The following PDLIM1 variants were observed in gnomAD, a reference collection of about 807,000 sequenced individuals.
PDLIM1 encodes PDZ and LIM domain protein 1.
Under a neutral mutation model 35.2 loss-of-function variants are expected in PDLIM1, and 25 were observed. That is an observed-to-expected ratio of 0.71 (90% CI 0.52 to 0.99). PDLIM1 has a LOEUF of 0.99. PDLIM1 is among the 50% of genes least tolerant of loss of function. The probability of loss-of-function intolerance (pLI) is 0.00; values close to 1 mark genes in which losing one functional copy is unlikely to be tolerated. For synonymous variants in PDLIM1, 152 were observed against 154.0 expected, an observed-to-expected ratio of 0.99 and a Z score of 0.10; for missense variants, 363 against 415.3, an observed-to-expected ratio of 0.87 and a Z score of 1.09.
chr10:95,243,171 T>G (rs1430332639), intron 5 of PDLIM1, among the ~76,000 whole-genome samples: 3 of 152,184 alleles, frequency 2.0e-5, no homozygotes, highest in African/African-American at 7.2e-5. Context: ...GAAGGCTGCC[T>G]GCCCAACAGA....
At chr10:95,248,861 G>A (rs1243985469) in intron 4 of PDLIM1, among the ~76,000 whole-genome samples, 1 of 152,152 alleles carries the variant, frequency 6.6e-6, no homozygotes, top group Non-Finnish European at 1.5e-5. Flanking sequence ...CCCTTCCCAG[G>A]TGTTGTCATG....
chr10:95,280,809 T>C (rs761785379), intron 1 of PDLIM1, among the ~76,000 whole-genome samples: 1 of 152,168 alleles, frequency 6.6e-6, no homozygotes, highest in Non-Finnish European at 1.5e-5. Context: ...CCCCTTGGAG[T>C]TGGCTCTAAA....
rs2035646528 is a variant in PDLIM1 at position 95,290,761 on chromosome 10, G to A, written c.96+59C>T. On this transcript the variant is annotated intron_variant, in intron 1 of 6. Coordinates refer to ENST00000329399, the MANE Select transcript of PDLIM1 (RefSeq NM_020992.4). This position sits in a 1 kb window ranked among gnomAD's most constrained non-coding sequence, Gnocchi z 4.7. The stretch of plus-strand genomic sequence containing the variant: ...CCCCGACCGCGCCCGCGGGGCCCCA[G>A]TCTCCGCATATCACCTCCCATAGCG... The A allele has an allele frequency of 1.6e-6, 2 of 1,257,484 alleles. No homozygotes were observed. Among genetic ancestry groups the A allele is most frequent in the Admixed American group, 4.8e-5 (2 of 41,246 alleles). 77.9% of individuals were successfully genotyped at this position (1,257,484 alleles called of 1,614,324 possible). A position where few individuals can be genotyped will look rare whatever the true frequency, so the allele number is the denominator to read the frequency against.
intron 1 of PDLIM1, among the ~76,000 whole-genome samples, chr10:95,287,249 CT>C (rs2133444749): frequency 6.6e-6 from 1 of 152,298 alleles, no homozygotes; most frequent in East Asian, 1.9e-4. Context: ...CATAATGACC[CT>C]TTTTGGACAT....
chr10:95,276,987 T>G (rs993222922), intron 1 of PDLIM1, among the ~76,000 whole-genome samples: 2 of 147,032 alleles, frequency 1.4e-5, no homozygotes, highest in Non-Finnish European at 3.0e-5. Flanking sequence ...CCAAGGTAAG[T>G]GGCTCGCCTT....
intron 4 of PDLIM1, among the ~76,000 whole-genome samples, chr10:95,261,131 C>T (rs1055770272): frequency 1.3e-5 from 2 of 152,168 alleles, no homozygotes; most frequent in African/African-American, 4.8e-5. Flanking sequence ...AGAGGAAAGG[C>T]TTAAACAGCC....
At chr10:95,244,124 C>T (rs2035199912) in intron 5 of PDLIM1, among the ~76,000 whole-genome samples, 1 of 152,050 alleles carries the variant, frequency 6.6e-6, no homozygotes, top group Non-Finnish European at 1.5e-5. Context: ...TATATTTCAC[C>T]ATTTTTCTTA....
At chr10:95,269,696 T>C (rs1437436957) in intron 2 of PDLIM1, among the ~76,000 whole-genome samples, 1 of 152,142 alleles carries the variant, frequency 6.6e-6, no homozygotes, top group East Asian at 1.9e-4. Context: ...TTTCCTCTCT[T>C]GCAGGTAGAA....
At chr10:95,238,374 A>T (rs1043905203) in intron 6 of PDLIM1, among the ~76,000 whole-genome samples, 194 bp downstream of exon 6, 22 of 152,182 alleles carry the variant, frequency 1.4e-4, no homozygotes, top group Admixed American at 1.3e-3. Flanking sequence ...TTCATAACCT[A>T]AGGGCTCCGC....
At chr10:95,273,550 A>C (rs1003867918) in intron 1 of PDLIM1, 3 of 152,186 alleles carry the variant, frequency 2.0e-5, no homozygotes, top group Non-Finnish European at 4.4e-5. Context: ...TTTATCAGGC[A>C]AAACTCTCCT....
rs189084310 is a variant in PDLIM1 at position 95,284,402 on chromosome 10, G to A, written c.96+6418C>T. On this transcript the variant is annotated intron_variant, in intron 1 of 6. Coordinates refer to ENST00000329399, the MANE Select transcript of PDLIM1 (RefSeq NM_020992.4). ...GAGTTTCGCTCTTGTTGCCCAGGCT[G>A]GAGTGCAGTGGCGTGATTTCAACTC... Among the ~76,000 whole-genome samples, 1,285 of 152,072 alleles carry A rather than the reference G, an allele frequency of 8.4e-3. 7 individuals carry two copies. Among genetic ancestry groups the A allele is most frequent in the Middle Eastern group, 0.017 (5 of 292 alleles).
intron 1 of PDLIM1, among the ~76,000 whole-genome samples, chr10:95,285,259 GGT>G (rs1294689315): frequency 6.6e-6 from 1 of 152,106 alleles, no homozygotes; most frequent in African/African-American, 2.4e-5. Flanking sequence ...TGCTTTCTGA[GGT>G]GCTCTGAGCT....
chr10:95,253,486 C>G (rs2035285010), intron 4 of PDLIM1, among the ~76,000 whole-genome samples: 1 of 152,098 alleles, frequency 6.6e-6, no homozygotes, highest in African/African-American at 2.4e-5. Context: ...AAAAACCTGT[C>G]TCTACTAAAA....
intron 3 of PDLIM1, among the ~76,000 whole-genome samples, chr10:95,266,056 G>T (rs1276471717): frequency 6.6e-6 from 1 of 151,954 alleles, no homozygotes; most frequent in African/African-American, 2.4e-5. Context: ...AAATTAGCTA[G>T]GCGTGGTGGC....
At chr10:95,285,998 TCA>T (rs2035598878) in intron 1 of PDLIM1, among the ~76,000 whole-genome samples, 2 of 152,330 alleles carry the variant, frequency 1.3e-5, no homozygotes, top group South Asian at 4.1e-4. Flanking sequence ...ATTCCTGAAA[TCA>T]CAGTGTTTTC....
chr10:95,247,356 C>T lies in PDLIM1; in HGVS notation c.544G>A (p.Ala182Thr). Reference protein sequence around the residue: ...VEANSRPLDHAQPPSSLVIDK... With the variant: ...VEANSRPLDHTQPPSSLVIDK... ...ATGACAAGGCTGCTTGGAGGCTGAG[C>T]ATGGTCTAAGCTGTAAAGAATGTTT... The change falls in exon 5 of 7, where the codon GCT becomes ACT. Residue 182 changes from alanine to threonine, a missense_variant. Ala to Thr is a moderately conservative substitution (Grantham distance 58). Coordinates refer to ENST00000329399, the MANE Select transcript of PDLIM1 (RefSeq NM_020992.4). 2 of 1,613,760 alleles carry T rather than the reference C, an allele frequency of 1.2e-6. No individual in the cohort carries two copies. Among genetic ancestry groups the T allele is most frequent in the Non-Finnish European group, 1.7e-6 (2 of 1,179,798 alleles).
chr10:95,249,254 C>T (rs889248765), intron 4 of PDLIM1, among the ~76,000 whole-genome samples: 2 of 152,230 alleles, frequency 1.3e-5, no homozygotes, highest in Non-Finnish European at 2.9e-5. Context: ...GGCAGCCAGC[C>T]TCTGAGGGTT....
Position 95,257,163 on chromosome 10 carries a change from G to A in PDLIM1, c.533+6701C>T, listed in dbSNP as rs537921272. ...AATCTCAGCACTTTGGGAGGCCAAG[G>A]TAGGAGAATCACTTGAGCCCAGAAG... On this transcript the variant is annotated intron_variant, in intron 4 of 6. Transcript: ENST00000329399. 3.3e-5 allele frequency among the ~76,000 whole-genome samples: 5 copies of A among 151,994 alleles called. No homozygotes were observed. The East Asian group carries it at 9.6e-4, about 29-fold the overall frequency.
At chr10:95,245,928 G>A (rs2035215238) in intron 5 of PDLIM1, among the ~76,000 whole-genome samples, 1 of 152,182 alleles carries the variant, frequency 6.6e-6, no homozygotes, top group Non-Finnish European at 1.5e-5. Flanking sequence ...TGAGGAGGGA[G>A]GTTCATCTTC....
Sources: allele counts gnomAD v4.1 joint callset (sites outside exome capture counted in the v4.1 genomes callset), GRCh38; gene constraint gnomAD v4.1.1; non-coding constraint Gnocchi (gnomAD v3.1); transcripts MANE v1.5; gene names NCBI Gene and HGNC (gene_info 2026-07-23, HGNC 2026-07-21).